The following EXOC6B variants were observed in gnomAD, a reference collection of about 807,000 sequenced individuals.
The protein encoded by EXOC6B is exocyst complex component 6B.
In EXOC6B, 54 loss-of-function variants were observed where a neutral mutation model predicts 113.5. That is an observed-to-expected ratio of 0.48 (90% CI 0.38 to 0.60). The LOEUF is 0.60. EXOC6B is among the 20% of genes least tolerant of loss of function. EXOC6B has a pLI of 0.00. For missense variants in EXOC6B, 797 were observed against 977.5 expected (o/e 0.82, Z 2.46); for synonymous variants, 357 against 339.0 (o/e 1.05, Z -0.58).
At chr2:72,564,814 T>C (rs949886906) in intron 7 of EXOC6B, among the ~76,000 whole-genome samples, 3 of 152,128 alleles carry the variant, frequency 2.0e-5, no homozygotes, top group Non-Finnish European at 4.4e-5. Flanking sequence ...CCTTTGAGCA[T>C]ATAAGAATAC....
intron 18 of EXOC6B, among the ~76,000 whole-genome samples, chr2:72,418,639 T>C (rs1415093845): frequency 6.6e-6 from 1 of 152,178 alleles, no homozygotes; most frequent in Non-Finnish European, 1.5e-5. Flanking sequence ...TCTGTTCTCT[T>C]TTGGTTACTG....
chr2:72,455,863 AC>A (rs1266673846), intron 18 of EXOC6B, among the ~76,000 whole-genome samples: 1 of 152,070 alleles, frequency 6.6e-6, no homozygotes, highest in Non-Finnish European at 1.5e-5. Flanking sequence ...GGGAGAGGAC[AC>A]TTTGTACAGT....
chr2:72,362,456 G>T (rs1359744449), intron 19 of EXOC6B, among the ~76,000 whole-genome samples: 1 of 152,018 alleles, frequency 6.6e-6, no homozygotes, highest in African/African-American at 2.4e-5. Context: ...TATACATAAA[G>T]AAATAATTAT....
chr2:72,236,018 C>T (rs1681937454), intron 20 of EXOC6B, among the ~76,000 whole-genome samples: 1 of 152,166 alleles, frequency 6.6e-6, no homozygotes, highest in Admixed American at 6.5e-5. Context: ...CTATATTAAT[C>T]ATTCTGACTA....
chr2:72,401,520 T>C lies in EXOC6B; in HGVS notation c.1981-21650A>G, dbSNP rs1433023517. On this transcript the variant is annotated intron_variant, in intron 18 of 21. Transcript: ENST00000272427. The stretch of plus-strand genomic sequence containing the variant: ...ATATATATATATATATATATACATA[T>C]ATACATATATATATATATATATATG... Among the ~76,000 whole-genome samples, 5 of 16,702 alleles carry C rather than the reference T, an allele frequency of 3.0e-4. 1 individual carries two copies. Among genetic ancestry groups the C allele is most frequent in the African/African-American group, 1.0e-3 (1 of 984 alleles). 11.0% of individuals were successfully genotyped at this position (16,702 alleles called of 152,430 possible).
Position 72,789,408 on chromosome 2 carries a change from T to C in EXOC6B, c.113+36390A>G, listed in dbSNP as rs146764493. ...AAAAACTTTAGGAAAGAGACTAAGA[T>C]GGGCATGTTTGGTGGTTTGTTGGAG... is the stretch of plus-strand genomic sequence containing the variant. On this transcript the variant is annotated intron_variant, in intron 1 of 21. Coordinates refer to ENST00000272427, the MANE Select transcript of EXOC6B (RefSeq NM_015189.3). 5.3e-3 allele frequency among the ~76,000 whole-genome samples: 811 copies of C among 152,330 alleles called. 9 individuals are homozygous for C. Among genetic ancestry groups the C allele is most frequent in the African/African-American group, 0.019 (771 of 41,582 alleles).
intron 6 of EXOC6B, among the ~76,000 whole-genome samples, chr2:72,692,853 T>C (rs1677597218): frequency 6.6e-6 from 1 of 152,216 alleles, no homozygotes. Flanking sequence ...CTAAGTGGAA[T>C]CTTAGGTTTC....
At chr2:72,554,224 A>G (rs1234383775) in intron 8 of EXOC6B, among the ~76,000 whole-genome samples, 3 of 152,212 alleles carry the variant, frequency 2.0e-5, no homozygotes, top group Non-Finnish European at 4.4e-5. Flanking sequence ...TTCTCCCTGA[A>G]AAATGGAAGT....
At chr2:72,226,304 G>C (rs1681234326) in intron 20 of EXOC6B, among the ~76,000 whole-genome samples, 1 of 152,162 alleles carries the variant, frequency 6.6e-6, no homozygotes, top group Non-Finnish European at 1.5e-5. Flanking sequence ...TTAATTTCTT[G>C]TTGTGACAAA....
At chr2:72,363,711 T>C (rs1431876950) in intron 19 of EXOC6B, among the ~76,000 whole-genome samples, 1 of 152,138 alleles carries the variant, frequency 6.6e-6, no homozygotes, top group Non-Finnish European at 1.5e-5. Context: ...TTATCTCATT[T>C]GATCCAAACC....
intron 1 of EXOC6B, among the ~76,000 whole-genome samples, chr2:72,753,658 G>C (rs777175309): frequency 1.1e-4 from 17 of 152,122 alleles, no homozygotes; most frequent in Non-Finnish European, 2.2e-4. Context: ...TCAGGATCTT[G>C]TTTCAGGATC....
chr2:72,704,315 T>C (rs1186425920), intron 6 of EXOC6B, among the ~76,000 whole-genome samples: 4 of 150,948 alleles, frequency 2.6e-5, no homozygotes, highest in South Asian at 2.1e-4. Flanking sequence ...ATCTCTGGGA[T>C]GCATTCAAAG....
At chr2:72,324,591 GC>G (rs1688023790) in intron 20 of EXOC6B, among the ~76,000 whole-genome samples, 1 of 152,030 alleles carries the variant, frequency 6.6e-6, no homozygotes, top group South Asian at 2.1e-4. Flanking sequence ...CTTATTTAAT[GC>G]TTACTCCAAC....
chr2:72,808,159 C>T lies in EXOC6B; in HGVS notation c.113+17639G>A, dbSNP rs142221415. On this transcript the variant is annotated intron_variant, in intron 1 of 21. Coordinates refer to ENST00000272427, the MANE Select transcript of EXOC6B (RefSeq NM_015189.3). ...CAACAAAACAGGAATCCTGGAACAT[C>T]AAAAAGGAAAAAAGAACACAATAAG... Among the ~76,000 whole-genome samples, 350 of 151,772 alleles carry T rather than the reference C, an allele frequency of 2.3e-3. 2 individuals carry two copies. Among genetic ancestry groups the T allele is most frequent in the African/African-American group, 7.3e-3 (304 of 41,408 alleles).
chr2:72,446,212 G>GA (rs915447386), intron 18 of EXOC6B, among the ~76,000 whole-genome samples: 10 of 151,946 alleles, frequency 6.6e-5, no homozygotes, highest in African/African-American at 1.9e-4. Flanking sequence ...ATTCACTATA[G>GA]AAAAAACATT....
chr2:72,290,680 C>A (rs1685725198), intron 20 of EXOC6B, among the ~76,000 whole-genome samples: 1 of 151,572 alleles, frequency 6.6e-6, no homozygotes, highest in African/African-American at 2.4e-5. Flanking sequence ...ATTTAGAAAC[C>A]AAACTTGAAA....
chr2:72,304,826 G>A (rs752845923), intron 20 of EXOC6B, among the ~76,000 whole-genome samples: 1 of 152,084 alleles, frequency 6.6e-6, no homozygotes, highest in African/African-American at 2.4e-5. Context: ...AAGCTGCAAG[G>A]GCCCCTAGAC....
Position 72,177,040 on chromosome 2 carries a change from T to C in EXOC6B, c.*2295A>G, listed in dbSNP as rs1252367534. The C allele has an allele frequency of 6.6e-6, 1 of 152,096 alleles. No individual in the cohort carries two copies. Among genetic ancestry groups the C allele is most frequent in the Non-Finnish European group, 1.5e-5 (1 of 68,020 alleles). The allele number at this position is 152,096 out of a possible 1,614,324, so 9.4% of individuals were successfully genotyped here. A position where few individuals can be genotyped will look rare whatever the true frequency, so the allele number is the denominator to read the frequency against. Reference sequence around the variant, plus strand: ...TACCTTCCCTGGCCCACCAAGAGTATGTCTCTACATACAACTCAGTAGCTG... The same window carrying C: ...TACCTTCCCTGGCCCACCAAGAGTACGTCTCTACATACAACTCAGTAGCTG... On this transcript the variant is annotated 3_prime_UTR_variant, in exon 22 of 22. Coordinates refer to ENST00000272427, the MANE Select transcript of EXOC6B (RefSeq NM_015189.3).
intron 20 of EXOC6B, among the ~76,000 whole-genome samples, chr2:72,250,765 A>G (rs2104544298): frequency 6.6e-6 from 1 of 152,288 alleles, no homozygotes. Context: ...TTGTAAAAAA[A>G]AAACCTCAAT....
Sources: allele counts gnomAD v4.1 joint callset (sites outside exome capture counted in the v4.1 genomes callset), GRCh38; gene constraint gnomAD v4.1.1; transcripts MANE v1.5; gene names NCBI Gene and HGNC (gene_info 2026-07-23, HGNC 2026-07-21).